DNER: variants seen among roughly 807,000 people sequenced by gnomAD.
DNER encodes delta/notch like EGF repeat containing, also known as delta and Notch-like epidermal growth factor-related receptor.
A neutral mutation model predicts 78.2 loss-of-function variants in DNER; 33 were observed. The observed-to-expected ratio is 0.42, with a 90% CI of 0.32 to 0.56. The LOEUF (loss-of-function observed/expected upper bound fraction) is 0.56, where lower values mean the gene tolerates loss of function less well. Among genes scored for constraint, DNER ranks in the 20% least tolerant of loss-of-function variants. The pLI, the probability that DNER is intolerant of heterozygous loss-of-function variation, is 0.11. For missense variants in DNER, 918 were observed against 975.3 expected (o/e 0.94, Z 0.78); for synonymous variants, 417 against 384.8 (o/e 1.08, Z -0.98).
At chr2:229,431,123 ATAAT>A (rs1264813012) in intron 8 of DNER, among the ~76,000 whole-genome samples, 38 of 152,356 alleles carry the variant, frequency 2.5e-4, no homozygotes, top group African/African-American at 8.7e-4. Context: ...AGTGTAAATC[ATAAT>A]TAATTTATAT....
At chr2:229,618,215 G>A (rs983662650) in intron 1 of DNER, among the ~76,000 whole-genome samples, 12 of 152,018 alleles carry the variant, frequency 7.9e-5, no homozygotes, top group East Asian at 1.9e-4. Context: ...CAAAATTCCC[G>A]TAAGAGTCTG....
chr2:229,565,733 C>A (rs1697093460), intron 4 of DNER, among the ~76,000 whole-genome samples: 2 of 152,124 alleles, frequency 1.3e-5, no homozygotes, highest in African/African-American at 4.8e-5. Context: ...TAATAGGACA[C>A]CTTTTTAAAA....
intron 5 of DNER, among the ~76,000 whole-genome samples, chr2:229,541,960 T>C (rs1696523901): frequency 6.8e-6 from 1 of 147,234 alleles, no homozygotes; most frequent in Non-Finnish European, 1.5e-5. Flanking sequence ...ATATTTATAT[T>C]TATATATTAA....
At chr2:229,619,786 T>A (rs1698223694) in intron 1 of DNER, among the ~76,000 whole-genome samples, 1 of 152,212 alleles carries the variant, frequency 6.6e-6, no homozygotes, top group African/African-American at 2.4e-5. Context: ...TACTATATTT[T>A]AAATAATTAA....
At chr2:229,453,169 CTT>C in intron 7 of DNER, among the ~76,000 whole-genome samples, 1 of 152,308 alleles carries the variant, frequency 6.6e-6, no homozygotes, top group East Asian at 1.9e-4. Flanking sequence ...ATTTTCATTT[CTT>C]ATGAAGCTTA....
intron 7 of DNER, among the ~76,000 whole-genome samples, chr2:229,452,901 T>C (rs554348562): frequency 1.4e-4 from 21 of 152,378 alleles, no homozygotes; most frequent in African/African-American, 3.6e-4. Context: ...GTGCTGGGAT[T>C]ACAGGCGTGA....
intron 1 of DNER, among the ~76,000 whole-genome samples, chr2:229,594,312 GGC>G (rs1397888787): frequency 3.3e-5 from 5 of 152,238 alleles, no homozygotes; most frequent in Non-Finnish European, 7.3e-5. Context: ...CAGAGGGCCG[GGC>G]GCGGTGGCTC....
At chr2:229,672,795 C>A (rs892577700) in intron 1 of DNER, among the ~76,000 whole-genome samples, 1 of 152,110 alleles carries the variant, frequency 6.6e-6, no homozygotes, top group African/African-American at 2.4e-5. Flanking sequence ...AGTCTGCCTG[C>A]CCATGTTTAA....
intron 10 of DNER, among the ~76,000 whole-genome samples, chr2:229,405,176 C>T (rs1248446338): frequency 3.3e-5 from 5 of 151,980 alleles, no homozygotes; most frequent in Non-Finnish European, 7.4e-5. Flanking sequence ...AGTATTCAAC[C>T]TTACTATAAG....
At chr2:229,483,764 C>T (rs1001054551) in intron 6 of DNER, among the ~76,000 whole-genome samples, 21 of 152,202 alleles carry the variant, frequency 1.4e-4, no homozygotes, top group African/African-American at 5.1e-4. Flanking sequence ...CACCCTCTTT[C>T]ATTAGTTAGC....
intron 1 of DNER, among the ~76,000 whole-genome samples, chr2:229,713,905 G>T (rs962828022): frequency 1.8e-4 from 27 of 152,236 alleles, no homozygotes; most frequent in Admixed American, 8.5e-4. Context: ...GAAGTGCCGA[G>T]CCCCGGAGCG....
intron 5 of DNER, among the ~76,000 whole-genome samples, chr2:229,517,206 A>G (rs1042010090): frequency 2.0e-5 from 3 of 152,198 alleles, no homozygotes; most frequent in African/African-American, 7.2e-5. Flanking sequence ...CTTTCAACCA[A>G]TGTGTATTAA....
chr2:229,561,003 C>G (rs904857832), intron 4 of DNER, among the ~76,000 whole-genome samples: 1 of 152,138 alleles, frequency 6.6e-6, no homozygotes, highest in Non-Finnish European at 1.5e-5. Flanking sequence ...GTAGAGTATT[C>G]TCACCTTTTG....
chr2:229,580,854 C>T (rs967044651), intron 4 of DNER, among the ~76,000 whole-genome samples: 11 of 152,106 alleles, frequency 7.2e-5, no homozygotes, highest in African/African-American at 2.7e-4. Flanking sequence ...TAAAGGAGAT[C>T]TGAGAATGCA....
At chr2:229,441,466 G>A (rs1257878038) in intron 8 of DNER, among the ~76,000 whole-genome samples, 1 of 152,126 alleles carries the variant, frequency 6.6e-6, no homozygotes, top group Non-Finnish European at 1.5e-5. Context: ...GAAGGTGTTA[G>A]ATGGGATTTA....
chr2:229,638,564 G>A (rs1698565239), intron 1 of DNER, among the ~76,000 whole-genome samples: 1 of 152,166 alleles, frequency 6.6e-6, no homozygotes, highest in South Asian at 2.1e-4. Context: ...GACATGCAGT[G>A]TGCCTGAGTG....
At chr2:229,393,425 C>CA (rs1475279675) in intron 10 of DNER, among the ~76,000 whole-genome samples, 12 of 146,984 alleles carry the variant, frequency 8.2e-5, no homozygotes, top group African/African-American at 2.1e-4. Flanking sequence ...GACTCCGTCT[C>CA]AAAAAAAATA....
chr2:229,587,009 T>A (rs1697514779), intron 3 of DNER: 3 of 985,122 alleles, frequency 3.0e-6, no homozygotes. Context: ...TTCGTCTGAG[T>A]CAGACTCTGC....
At chr2:229,574,542 T>TC (rs1259334650) in intron 4 of DNER, among the ~76,000 whole-genome samples, 5 of 152,170 alleles carry the variant, frequency 3.3e-5, no homozygotes, top group Non-Finnish European at 7.4e-5. Flanking sequence ...TATGTCTATA[T>TC]ACATGCACTG....
Sources: gnomAD v4.1 joint callset for allele counts (sites outside exome capture counted in the v4.1 genomes callset) on GRCh38, gnomAD v4.1.1 for gene constraint, MANE v1.5 for transcripts, NCBI Gene and HGNC (gene_info 2026-07-23, HGNC 2026-07-21) for gene names.